STOX1: variants seen among roughly 807,000 people sequenced by gnomAD.
The protein encoded by STOX1 is storkhead-box protein 1.
Under a neutral mutation model 74.8 loss-of-function variants are expected in STOX1, and 57 were observed. The observed-to-expected ratio is 0.76, with a 90% CI of 0.62 to 0.95. The LOEUF (loss-of-function observed/expected upper bound fraction) is 0.95. STOX1 is among the 40% of genes least tolerant of loss of function. The pLI is 0.00. For missense variants in STOX1, 1,010 were observed against 1,117.0 expected (o/e 0.90, Z 1.37); for synonymous variants, 375 against 401.3 (o/e 0.93, Z 0.78).
chr10:68,884,221 T>C, intron 2 of STOX1, 39 bp from the exon 3 acceptor site: 2 of 1,597,858 alleles, frequency 1.3e-6, no homozygotes, highest in Non-Finnish European at 1.7e-6. Context: ...AAAATTTTTC[T>C]TATTCAAAAT....
At chr10:68,872,086 AC>A (rs1840549068) in intron 1 of STOX1, among the ~76,000 whole-genome samples, 1 of 152,086 alleles carries the variant, frequency 6.6e-6, no homozygotes, top group Non-Finnish European at 1.5e-5. Context: ...CATAGAAGAT[AC>A]CTTTCCCACA....
intron 1 of STOX1, among the ~76,000 whole-genome samples, chr10:68,864,044 C>G (rs1455009160): frequency 1.3e-5 from 2 of 151,958 alleles, no homozygotes; most frequent in Non-Finnish European, 2.9e-5. Flanking sequence ...CCTGCCTCAG[C>G]CTCCCAATTA....
chr10:68,889,435 G>A (rs1841047077), intron 3 of STOX1, among the ~76,000 whole-genome samples: 1 of 152,104 alleles, frequency 6.6e-6, no homozygotes. Flanking sequence ...GGGATTGCAG[G>A]CATGAGCCCT....
chr10:68,841,326 A>G (rs1361982480), intron 1 of STOX1, among the ~76,000 whole-genome samples: 1 of 152,186 alleles, frequency 6.6e-6, no homozygotes, highest in Non-Finnish European at 1.5e-5. Flanking sequence ...CTCCTGTAAC[A>G]CATTCACATA....
chr10:68,846,163 T>TA (rs1564572634), intron 1 of STOX1, among the ~76,000 whole-genome samples: 2 of 146,506 alleles, frequency 1.4e-5, no homozygotes, highest in African/African-American at 2.5e-5. Context: ...TTATTATTAT[T>TA]TGAGACGGAG....
At chr10:68,853,478 CTGGGTGTA>C (rs1022790097) in intron 1 of STOX1, among the ~76,000 whole-genome samples, 1 of 152,054 alleles carries the variant, frequency 6.6e-6, no homozygotes, top group Non-Finnish European at 1.5e-5. Flanking sequence ...AGACATATAG[CTGGGTGTA>C]TTATTAATTT....
At chr10:68,856,023 G>GT (rs1244073989) in intron 1 of STOX1, among the ~76,000 whole-genome samples, 1 of 152,054 alleles carries the variant, frequency 6.6e-6, no homozygotes, top group Non-Finnish European at 1.5e-5. Context: ...CAGAAATGGT[G>GT]TACTCAGCAG....
chr10:68,869,375 G>C (rs921572094), intron 1 of STOX1, among the ~76,000 whole-genome samples: 2 of 152,206 alleles, frequency 1.3e-5, no homozygotes, highest in Non-Finnish European at 2.9e-5. Context: ...TTTACTCTGA[G>C]TGTCTGATGC....
chr10:68,868,274 T>C (rs1319544402), intron 1 of STOX1, among the ~76,000 whole-genome samples: 1 of 152,256 alleles, frequency 6.6e-6, no homozygotes, highest in Non-Finnish European at 1.5e-5. Flanking sequence ...ACCTATTTAA[T>C]GGCAGTAAGC....
chr10:68,837,988 A>T (rs1839600078), intron 1 of STOX1, among the ~76,000 whole-genome samples: 1 of 151,286 alleles, frequency 6.6e-6, no homozygotes, highest in Non-Finnish European at 1.5e-5. Flanking sequence ...TCACCTCCTT[A>T]GTTAAGTTTA....
intron 3 of STOX1, among the ~76,000 whole-genome samples, chr10:68,891,560 T>C (rs35086750): frequency 2.0e-5 from 3 of 151,930 alleles, no homozygotes; most frequent in African/African-American, 7.2e-5. Context: ...TCCTAGCACT[T>C]TGGGAGGCTG....
At chr10:68,854,964 A>G (rs1309274160) in intron 1 of STOX1, among the ~76,000 whole-genome samples, 1 of 151,988 alleles carries the variant, frequency 6.6e-6, no homozygotes, top group Non-Finnish European at 1.5e-5. Context: ...TTAGCTAAGC[A>G]TGGTGGTGCA....
At chr10:68,838,909 C>CA (rs36040611) in intron 1 of STOX1, among the ~76,000 whole-genome samples, 24,841 of 115,278 alleles carry the variant, frequency 0.22, 2,250 homozygotes, top group African/African-American at 0.29. Flanking sequence ...GACTCTGTCT[C>CA]AAAAAAAAAA....
At chr10:68,877,300 A>C (rs1037603611) in intron 1 of STOX1, among the ~76,000 whole-genome samples, 2 of 152,186 alleles carry the variant, frequency 1.3e-5, no homozygotes, top group African/African-American at 4.8e-5. Flanking sequence ...ATTATGAATA[A>C]ATTTTTTAAG....
At chr10:68,871,286 G>A (rs1360488800) in intron 1 of STOX1, among the ~76,000 whole-genome samples, 7 of 152,208 alleles carry the variant, frequency 4.6e-5, no homozygotes. Context: ...CCCCGGGTGG[G>A]GCCACCTGTC....
intron 1 of STOX1, among the ~76,000 whole-genome samples, chr10:68,873,044 C>T (rs943761769): frequency 1.3e-5 from 2 of 151,780 alleles, no homozygotes; most frequent in African/African-American, 4.8e-5. Context: ...AGGTCTTGCT[C>T]TGTCACCCAG....
At chr10:68,860,972 C>T (rs1309028625) in intron 1 of STOX1, among the ~76,000 whole-genome samples, 1 of 151,972 alleles carries the variant, frequency 6.6e-6, no homozygotes, top group African/African-American at 2.4e-5. Context: ...TCTTTGGGAG[C>T]CCAAGGTGGG....
In STOX1 at chr10:68,882,013, G is replaced by C; in HGVS notation, c.366G>C (p.Leu122Phe). The part of the protein sequence containing the change: ...NPITQSQFVP[L>F]GEVLCCAISD... ...TAACTCAATCTCAGTTCGTACCTTT[G>C]GGTGAAGTTCTTTGCTGTGCTATAT... The change falls in exon 2 of 4, where the codon TTG (leucine) becomes TTC (phenylalanine). Residue 122 changes from leucine to phenylalanine, a missense_variant. By Grantham distance (22) the Leu-to-Phe change is conservative. Transcript: ENST00000298596. The C allele has an allele frequency of 1.2e-6, 2 of 1,613,472 alleles. No homozygotes were observed. The highest frequency in any genetic ancestry group is 3.3e-4 in the Middle Eastern group (2 of 6,058).
chr10:68,880,317 G>A (rs532402148), intron 1 of STOX1, among the ~76,000 whole-genome samples: 14 of 151,838 alleles, frequency 9.2e-5, no homozygotes, highest in African/African-American at 2.2e-4. Context: ...TAGCAGCTAC[G>A]ACAGGCACAC....
Sources: gnomAD v4.1 joint callset for allele counts (sites outside exome capture counted in the v4.1 genomes callset) on GRCh38, gnomAD v4.1.1 for gene constraint, MANE v1.5 for transcripts, NCBI Gene and HGNC (gene_info 2026-07-23, HGNC 2026-07-21) for gene names.